The following DACH1 variants were observed in gnomAD, a reference collection of about 807,000 sequenced individuals.
DACH1 encodes the protein dachshund family transcription factor 1, also known as dachshund homolog 1.
Under a neutral mutation model 54.2 loss-of-function variants are expected in DACH1, and 12 were observed. The ratio of observed to expected loss-of-function variants is 0.22; its 90% CI spans 0.14 to 0.36. DACH1 has a LOEUF of 0.36. Ranked by LOEUF, DACH1 falls within the 10% of genes least tolerant of loss-of-function variation. DACH1 has a pLI of 1.00. For missense variants in DACH1, 805 were observed against 929.8 expected (o/e 0.87, Z 1.75); for synonymous variants, 386 against 366.2 (o/e 1.05, Z -0.62).
chr13:71,662,137 A>G (rs1200258293), intron 2 of DACH1, among the ~76,000 whole-genome samples: 1 of 152,072 alleles, frequency 6.6e-6, no homozygotes, highest in Admixed American at 6.6e-5. Flanking sequence ...AAACAAAGCA[A>G]TATGTAGAGT....
intron 6 of DACH1, among the ~76,000 whole-genome samples, chr13:71,534,478 T>C (rs548636549): frequency 1.3e-5 from 2 of 151,846 alleles, no homozygotes; most frequent in Non-Finnish European, 2.9e-5. Context: ...AGTAAAAACA[T>C]ATTGATCATA....
chr13:71,780,941 A>C (rs958938242), intron 1 of DACH1, among the ~76,000 whole-genome samples: 8 of 152,124 alleles, frequency 5.3e-5, no homozygotes, highest in African/African-American at 1.9e-4. Flanking sequence ...CAAGACCAGC[A>C]TGGGCAACAT....
intron 3 of DACH1, among the ~76,000 whole-genome samples, chr13:71,618,682 G>T (rs987159033): frequency 6.6e-6 from 1 of 151,746 alleles, no homozygotes; most frequent in Admixed American, 6.6e-5. Flanking sequence ...AAGGCACGAG[G>T]TAAAAATAAT....
At chr13:71,539,645 T>C (rs908219840) in intron 6 of DACH1, among the ~76,000 whole-genome samples, 8 of 152,124 alleles carry the variant, frequency 5.3e-5, no homozygotes, top group Non-Finnish European at 1.2e-4. Flanking sequence ...TTCTGGCTAA[T>C]TCTCTTAAGA....
intron 2 of DACH1, among the ~76,000 whole-genome samples, chr13:71,649,761 C>T (rs1878546913): frequency 6.6e-6 from 1 of 152,142 alleles, no homozygotes; most frequent in South Asian, 2.1e-4. Context: ...ACTTTAAGGA[C>T]ATTTTATTAC....
At chr13:71,533,585 A>C (rs780072321) in intron 6 of DACH1, among the ~76,000 whole-genome samples, 1 of 152,044 alleles carries the variant, frequency 6.6e-6, no homozygotes, top group Non-Finnish European at 1.5e-5. Flanking sequence ...TCTTTTCTTC[A>C]GTACCTTTTC....
intron 3 of DACH1, among the ~76,000 whole-genome samples, chr13:71,576,366 A>C (rs1347538251): frequency 6.6e-6 from 1 of 152,256 alleles, no homozygotes; most frequent in East Asian, 1.9e-4. Context: ...CAAATATGTA[A>C]GGAGTAGGTG....
intron 2 of DACH1, among the ~76,000 whole-genome samples, chr13:71,649,695 A>G (rs1462613677): frequency 6.6e-6 from 1 of 152,186 alleles, no homozygotes; most frequent in Non-Finnish European, 1.5e-5. Context: ...TATTGCAAAA[A>G]TCACAAAAAG....
rs181461263 is a variant in DACH1 at position 71,760,838 on chromosome 13, C to T, written c.849-78928G>A. Among the ~76,000 whole-genome samples the T allele has an allele frequency of 2.6e-5, 4 of 152,308 alleles. No individual in the cohort carries two copies. In the East Asian group the frequency reaches 5.8e-4, roughly 22 times the overall value. Reference sequence around the variant, plus strand: ...CTCTTCATGGGGATCATCATCTTCACTACCCATCATCCACACACTTAGCAC... The same window carrying T: ...CTCTTCATGGGGATCATCATCTTCATTACCCATCATCCACACACTTAGCAC... On this transcript the variant is annotated intron_variant, in intron 1 of 10. Coordinates refer to ENST00000613252, the MANE Select transcript of DACH1 (RefSeq NM_080759.6).
At chr13:71,676,119 C>T (rs1327911053) in intron 2 of DACH1, among the ~76,000 whole-genome samples, 3 of 152,028 alleles carry the variant, frequency 2.0e-5, no homozygotes, top group Admixed American at 6.5e-5. Flanking sequence ...CAACAATTTG[C>T]GGCTGTTTTA....
At chr13:71,634,416 G>A (rs1367342554) in intron 2 of DACH1, among the ~76,000 whole-genome samples, 1 of 152,056 alleles carries the variant, frequency 6.6e-6, no homozygotes, top group East Asian at 1.9e-4. Context: ...TGCTCTCTGT[G>A]CTCCAGGTAC....
At chr13:71,701,082 T>A (rs1882115697) in intron 1 of DACH1, among the ~76,000 whole-genome samples, 1 of 152,166 alleles carries the variant, frequency 6.6e-6, no homozygotes, top group Non-Finnish European at 1.5e-5. Flanking sequence ...TAAGTAGATG[T>A]TTATAATTTG....
At chr13:71,827,124 A>G (rs1888411770) in intron 1 of DACH1, among the ~76,000 whole-genome samples, 1 of 152,146 alleles carries the variant, frequency 6.6e-6, no homozygotes, top group Admixed American at 6.6e-5. Context: ...ATAGAGTAGA[A>G]GAGAAAAAGC....
intron 3 of DACH1, among the ~76,000 whole-genome samples, chr13:71,622,766 T>C (rs1323547800): frequency 1.3e-5 from 2 of 151,824 alleles, no homozygotes; most frequent in Non-Finnish European, 3.0e-5. Context: ...TTATATTTTA[T>C]AATTACATGA....
chr13:71,546,466 A>G (rs1234475360), intron 6 of DACH1, among the ~76,000 whole-genome samples: 2 of 152,028 alleles, frequency 1.3e-5, no homozygotes, highest in East Asian at 3.9e-4. Flanking sequence ...TTGATATGAA[A>G]TTATAGAACA....
At chr13:71,573,383 A>T (rs138582850) in intron 3 of DACH1, 2 of 712,392 alleles carry the variant, frequency 2.8e-6, no homozygotes, top group Admixed American at 2.0e-5. Context: ...TTTAAAAAAA[A>T]CTATGATTTT....
At chr13:71,747,718 C>A (rs1566475866) in intron 1 of DACH1, among the ~76,000 whole-genome samples, 1 of 152,300 alleles carries the variant, frequency 6.6e-6, no homozygotes, top group East Asian at 1.9e-4. Context: ...AATTTGGGAG[C>A]TACATTTACC....
chr13:71,505,224 A>T (rs1880217292), intron 6 of DACH1, among the ~76,000 whole-genome samples: 1 of 152,084 alleles, frequency 6.6e-6, no homozygotes, highest in Non-Finnish European at 1.5e-5. Context: ...CTGGAATTAC[A>T]GGTGTGTGCC....
chr13:71,639,457 C>T (rs1877736148), intron 2 of DACH1, among the ~76,000 whole-genome samples: 1 of 152,002 alleles, frequency 6.6e-6, no homozygotes, highest in Non-Finnish European at 1.5e-5. Flanking sequence ...CTCCCTATAC[C>T]AGTTTTGAGT....
Sources: allele counts gnomAD v4.1 joint callset (sites outside exome capture counted in the v4.1 genomes callset), GRCh38; gene constraint gnomAD v4.1.1; transcripts MANE v1.5; gene names NCBI Gene and HGNC (gene_info 2026-07-23, HGNC 2026-07-21).